MAMDC2: variants seen among roughly 807,000 people sequenced by gnomAD.
The protein encoded by MAMDC2 is MAM domain-containing protein 2.
A neutral mutation model predicts 89.8 loss-of-function variants in MAMDC2; 57 were observed. The observed-to-expected ratio is 0.63, with a 90% CI of 0.51 to 0.79. The LOEUF (loss-of-function observed/expected upper bound fraction) is 0.79, where lower values mean the gene tolerates loss of function less well. Ranked by LOEUF, MAMDC2 falls within the 30% of genes least tolerant of loss-of-function variation. The probability of loss-of-function intolerance (pLI) is 0.00; values close to 1 mark genes in which losing one functional copy is unlikely to be tolerated. For synonymous variants in MAMDC2, 313 were observed against 293.4 expected, an observed-to-expected ratio of 1.07 and a Z score of -0.68; for missense variants, 800 against 820.6, an observed-to-expected ratio of 0.97 and a Z score of 0.31.
At chr9:70,129,564 A>C (rs2030705802) in intron 6 of MAMDC2, among the ~76,000 whole-genome samples, 1 of 152,214 alleles carries the variant, frequency 6.6e-6, no homozygotes, top group South Asian at 2.1e-4. Context: ...TATTCTATTC[A>C]GAAGAAGCTG....
intron 7 of MAMDC2, among the ~76,000 whole-genome samples, chr9:70,133,325 A>G (rs2030876631): frequency 6.6e-6 from 1 of 152,208 alleles, no homozygotes; most frequent in South Asian, 2.1e-4. Flanking sequence ...CCTTTTGAAA[A>G]AAAGAGAATT....
rs748772169 is a variant in MAMDC2 at position 70,108,423 on chromosome 9, C to A, written c.361C>A (p.Pro121Thr). 9.3e-6 allele frequency: 15 copies of A among 1,613,308 alleles called. No individual in the cohort carries two copies. The African/African-American group carries it at 1.1e-4, about 11-fold the overall frequency. Residue 121 changes from proline to threonine, a missense_variant, in exon 3 of 14, where the codon CCT becomes ACT. Pro to Thr is a conservative substitution (Grantham distance 38). Coordinates refer to ENST00000377182, the MANE Select transcript of MAMDC2 (RefSeq NM_153267.5). The stretch of plus-strand genomic sequence containing the variant: ...TCGCTTGCTTTGGTCAGCTAAGGAA[C>A]CTTCAGACAGCTGGCTCATAGCCAG... ...FDRLLWSAKE[P>T]SDSWLIASLD...
At chr9:70,205,239 T>G (rs1563998744) in intron 11 of MAMDC2, among the ~76,000 whole-genome samples, 1 of 152,166 alleles carries the variant, frequency 6.6e-6, no homozygotes, top group Non-Finnish European at 1.5e-5. Flanking sequence ...TCTATTCACA[T>G]CATTGTGTAA....
Position 70,157,811 on chromosome 9 carries a change from T to G in MAMDC2, c.1405-10891T>G, listed in dbSNP as rs538397143. Reference sequence around the variant, plus strand: ...ACATATGCAACAAAGTCTTAATACATTTAAAATAAATATATAAATCTAATA... The same window carrying G: ...ACATATGCAACAAAGTCTTAATACAGTTAAAATAAATATATAAATCTAATA... On this transcript the variant is annotated intron_variant, in intron 9 of 13. Coordinates refer to ENST00000377182, the MANE Select transcript of MAMDC2 (RefSeq NM_153267.5). 2.5e-3 allele frequency: 388 copies of G among 152,548 alleles called. 1 individual carries two copies. Among genetic ancestry groups the G allele is most frequent in the African/African-American group, 8.9e-3 (371 of 41,538 alleles). 9.4% of individuals were successfully genotyped at this position (152,548 alleles called of 1,614,324 possible). A position where few individuals can be genotyped will look rare whatever the true frequency, so the allele number is the denominator to read the frequency against.
intron 6 of MAMDC2, among the ~76,000 whole-genome samples, chr9:70,130,126 CCTTAT>C (rs1456485637): frequency 6.6e-6 from 1 of 150,794 alleles, no homozygotes; most frequent in Non-Finnish European, 1.5e-5. Context: ...TTCAGCATGA[CCTTAT>C]CTTAACTAAT....
At chr9:70,094,731 A>C (rs984520244) in intron 2 of MAMDC2, among the ~76,000 whole-genome samples, 1 of 152,246 alleles carries the variant, frequency 6.6e-6, no homozygotes, top group Non-Finnish European at 1.5e-5. Flanking sequence ...ACTAGGAGAC[A>C]GGCAGATATA....
chr9:70,166,548 G>A (rs1301409989), intron 9 of MAMDC2, among the ~76,000 whole-genome samples: 4 of 151,790 alleles, frequency 2.6e-5, no homozygotes, highest in Admixed American at 6.6e-5. Flanking sequence ...TCTGTACTAT[G>A]AAATAATATG....
At chr9:70,107,615 T>G (rs1448596412) in intron 2 of MAMDC2, among the ~76,000 whole-genome samples, 1 of 152,192 alleles carries the variant, frequency 6.6e-6, no homozygotes, top group Non-Finnish European at 1.5e-5. Flanking sequence ...TATTCCTAAT[T>G]TAATAAAAAA....
At chr9:70,047,654 A>C (rs1032241771) in intron 2 of MAMDC2, among the ~76,000 whole-genome samples, 5 of 152,220 alleles carry the variant, frequency 3.3e-5, no homozygotes, top group African/African-American at 9.6e-5. Flanking sequence ...ATAGTGCTGC[A>C]ATAAACATAT....
chr9:70,209,546 ATCT>A (rs1564000591), intron 11 of MAMDC2, among the ~76,000 whole-genome samples: 3 of 3,664 alleles, frequency 8.2e-4, no homozygotes, highest in Non-Finnish European at 9.1e-4. Flanking sequence ...TGAGCGGTCT[ATCT>A]ATCTATCTAT....
chr9:70,174,589 G>A (rs2032441144), intron 11 of MAMDC2, among the ~76,000 whole-genome samples: 1 of 152,188 alleles, frequency 6.6e-6, no homozygotes, highest in Non-Finnish European at 1.5e-5. Flanking sequence ...AGCATGCTCA[G>A]TGTGTCCTAG....
intron 11 of MAMDC2, among the ~76,000 whole-genome samples, chr9:70,178,417 G>A (rs189758092): frequency 4.6e-4 from 70 of 152,246 alleles, no homozygotes; most frequent in African/African-American, 1.6e-3. Context: ...CAAGGGCAGT[G>A]CCCCCATGAC....
At chr9:70,066,604 T>C (rs1827272445) in intron 2 of MAMDC2, among the ~76,000 whole-genome samples, 1 of 152,150 alleles carries the variant, frequency 6.6e-6, no homozygotes, top group Non-Finnish European at 1.5e-5. Flanking sequence ...TGTATGATGG[T>C]ACAGGTTGTT....
intron 2 of MAMDC2, among the ~76,000 whole-genome samples, chr9:70,079,094 C>A (rs891766802): frequency 6.6e-6 from 1 of 152,136 alleles, no homozygotes; most frequent in African/African-American, 2.4e-5. Context: ...CCAGCCTCCC[C>A]CTAGCTAGTG....
chr9:70,083,498 T>C (rs1226105929), intron 2 of MAMDC2: 3 of 152,064 alleles, frequency 2.0e-5, no homozygotes, highest in Admixed American at 6.6e-5. Context: ...CCAAAGCAAG[T>C]CCTGTCCAAT....
rs148604715 is a variant in MAMDC2 at position 70,218,887 on chromosome 9, T to C, written c.1911+291T>C. Among the ~76,000 whole-genome samples, 111 of 152,354 alleles carry C rather than the reference T, an allele frequency of 7.3e-4. 2 individuals are homozygous for C. In the East Asian group the frequency reaches 0.018, roughly 24 times the overall value. ...TGGGTGTCAAGTATATTTCTATGTA[T>C]CATGCATATCTCCAAAACGAAGTCT... On this transcript the variant is annotated intron_variant, in intron 12 of 13. Transcript: ENST00000377182.
At chr9:70,091,811 C>G (rs140143099) in intron 2 of MAMDC2, among the ~76,000 whole-genome samples, 204 of 152,298 alleles carry the variant, frequency 1.3e-3, no homozygotes, top group African/African-American at 4.5e-3. Context: ...TTATTGTCAT[C>G]AAAACCCTAG....
intron 6 of MAMDC2, among the ~76,000 whole-genome samples, chr9:70,127,694 A>G (rs1177725187): frequency 6.6e-6 from 1 of 151,078 alleles, no homozygotes; most frequent in Non-Finnish European, 1.5e-5. Context: ...CCCCCCACAA[A>G]AAAAAAACAC....
chr9:70,081,317 G>A (rs144160608), intron 2 of MAMDC2, among the ~76,000 whole-genome samples: 17 of 152,262 alleles, frequency 1.1e-4, no homozygotes, highest in South Asian at 4.1e-4. Context: ...CACAAGAACC[G>A]TCCTGGAGGG....
Sources: allele counts gnomAD v4.1 joint callset (sites outside exome capture counted in the v4.1 genomes callset), GRCh38; gene constraint gnomAD v4.1.1; transcripts MANE v1.5; gene names NCBI Gene and HGNC (gene_info 2026-07-23, HGNC 2026-07-21).